The following PIGX variants were observed in gnomAD, a reference collection of about 807,000 sequenced individuals.
The protein encoded by PIGX is GPI alpha-1,4-mannosyltransferase I, stabilizing subunit.
A neutral mutation model predicts 28.7 loss-of-function variants in PIGX; 24 were observed. That is an observed-to-expected ratio of 0.84 (90% CI 0.60 to 1.17). The LOEUF is 1.17. PIGX is among the 50% of genes most tolerant of loss of function. The pLI is 0.00. For synonymous variants in PIGX, 127 were observed against 121.0 expected (o/e 1.05, Z -0.33); for missense variants, 305 against 317.8 (o/e 0.96, Z 0.31).
At chr3:196,721,238 C>T in intron 2 of PIGX, 1 of 342,178 alleles carries the variant, frequency 2.9e-6, no homozygotes, top group Non-Finnish European at 5.6e-6. Context: ...GAGGCGGTTC[C>T]TTTTTTCTCC....
chr3:196,719,801 T>TA (rs1332638237), intron 2 of PIGX, among the ~76,000 whole-genome samples: 1 of 152,192 alleles, frequency 6.6e-6, no homozygotes, highest in East Asian at 1.9e-4. Flanking sequence ...TTTTAACTTT[T>TA]TTTTTTTTGG....
intron 3 of PIGX, 143 bp downstream of exon 3, chr3:196,722,699 G>C: frequency 1.3e-6 from 1 of 748,110 alleles, no homozygotes; most frequent in Non-Finnish European, 2.3e-6. Flanking sequence ...CATAGTCTTT[G>C]ACAAGTGAGT....
At chr3:196,726,135 C>T (rs1236314344) in intron 3 of PIGX, among the ~76,000 whole-genome samples, 1 of 151,966 alleles carries the variant, frequency 6.6e-6, no homozygotes, top group African/African-American at 2.4e-5. Flanking sequence ...ACTAAAAATA[C>T]AAAAAATTAG....
intron 1 of PIGX, among the ~76,000 whole-genome samples, chr3:196,713,472 A>AT (rs1392027536): frequency 6.6e-6 from 1 of 151,632 alleles, no homozygotes; most frequent in Non-Finnish European, 1.5e-5. Flanking sequence ...TGCCCAGCTA[A>AT]TTTTTTGTAT....
Position 196,734,735 on chromosome 3 carries a change from G to A in PIGX, c.*833G>A, listed in dbSNP as rs553682724. ...AAATTATTGATAATCTTAAATTATT[G>A]ATTATTCCTTAACGCACTCCATTCT... is the stretch of plus-strand genomic sequence containing the variant. On this transcript the variant is annotated 3_prime_UTR_variant, in exon 6 of 6. Coordinates refer to ENST00000392391, the MANE Select transcript of PIGX (RefSeq NM_017861.4). 1 of 152,172 alleles carries A rather than the reference G, an allele frequency of 6.6e-6. No individual in the cohort carries two copies. The highest frequency in any genetic ancestry group is 2.1e-4 in the South Asian group (1 of 4,822). The allele number at this position is 152,172 out of a possible 1,614,324, so 9.4% of individuals were successfully genotyped here. A position where few individuals can be genotyped will look rare whatever the true frequency, so the allele number is the denominator to read the frequency against.
In PIGX at chr3:196,734,584, G is replaced by T. The variant is rs1429721640; in HGVS notation, c.*682G>T. 6.6e-6 allele frequency: 1 copy of T among 151,812 alleles called. No homozygotes were observed. The highest frequency in any genetic ancestry group is 6.6e-5 in the Admixed American group (1 of 15,210). The allele number at this position is 151,812 out of a possible 1,614,324, so 9.4% of individuals were successfully genotyped here. ...TCTCCAAAGGAAAAACAAAAAAGAAGAATAAAATAATTTGGATGAAAATCA... is the reference window on the plus strand; with the variant it reads ...TCTCCAAAGGAAAAACAAAAAAGAATAATAAAATAATTTGGATGAAAATCA... On this transcript the variant is annotated 3_prime_UTR_variant, in exon 6 of 6. Coordinates refer to ENST00000392391, the MANE Select transcript of PIGX (RefSeq NM_017861.4).
rs946390777 is a variant in PIGX at position 196,714,653 on chromosome 3, G to A, written c.112+2009G>A. Among the ~76,000 whole-genome samples the A allele has an allele frequency of 1.2e-4, 19 of 152,194 alleles. 1 individual carries two copies. The highest frequency in any genetic ancestry group is 4.6e-4 in the African/African-American group (19 of 41,564). On this transcript the variant is annotated intron_variant, in intron 1 of 5. Transcript: ENST00000392391. ...ATTTTTTGTATTTTAGTAAAGACGGGGTTTCACCATGTTGGCCAGGTTGGT... is the reference window on the plus strand; with the variant it reads ...ATTTTTTGTATTTTAGTAAAGACGGAGTTTCACCATGTTGGCCAGGTTGGT...
intron 3 of PIGX, among the ~76,000 whole-genome samples, chr3:196,724,197 TAG>T (rs1444778635): frequency 2.0e-5 from 3 of 151,964 alleles, no homozygotes; most frequent in Non-Finnish European, 4.4e-5. Context: ...GTATTTTTAG[TAG>T]AGGTGGGGTT....
chr3:196,715,459 C>G (rs889155443), intron 1 of PIGX, among the ~76,000 whole-genome samples: 2 of 152,110 alleles, frequency 1.3e-5, no homozygotes, highest in Non-Finnish European at 2.9e-5. Flanking sequence ...TGCTATAGAT[C>G]GTGAAAGTTA....
At chr3:196,732,622 G>C (rs1349747005) in intron 5 of PIGX, among the ~76,000 whole-genome samples, 1 of 151,908 alleles carries the variant, frequency 6.6e-6, no homozygotes, top group Non-Finnish European at 1.5e-5. Context: ...AGAAAAATAG[G>C]TGGCCATTAC....
intron 3 of PIGX, among the ~76,000 whole-genome samples, chr3:196,725,591 C>T (rs754077236): frequency 6.6e-6 from 1 of 152,066 alleles, no homozygotes; most frequent in Non-Finnish European, 1.5e-5. Flanking sequence ...GTCATAGAGG[C>T]AGAACTGCAG....
chr3:196,729,393 T>A (rs1277537165), intron 4 of PIGX, among the ~76,000 whole-genome samples: 1 of 151,242 alleles, frequency 6.6e-6, no homozygotes, highest in Non-Finnish European at 1.5e-5. Flanking sequence ...TCTCAAGATG[T>A]TTTCTTTCTT....
chr3:196,726,783 C>A (rs12637375), intron 3 of PIGX: 156,993 of 417,882 alleles, frequency 0.38, 29,937 homozygotes, highest in East Asian at 0.57. Context: ...TTAGTACATA[C>A]AGTTTCTACT....
intron 2 of PIGX, among the ~76,000 whole-genome samples, chr3:196,719,040 T>C (rs972165936): frequency 6.6e-6 from 1 of 152,180 alleles, no homozygotes; most frequent in Non-Finnish European, 1.5e-5. Context: ...TTTACTTTTA[T>C]CGTCTTTATC....
rs765390551 is a variant in PIGX, at chr3:196,730,979, C to G, written c.533-13C>G. On this transcript the variant is annotated splice_polypyrimidine_tract_variant and intron_variant, in intron 4 of 5. Transcript: ENST00000392391. ...ACAGGTTTTCTGACATCATTTTCTA[C>G]CACTTTTCTCAGAGTTCCCGATTTT... 3 of 1,545,028 alleles carry G rather than the reference C, an allele frequency of 1.9e-6. No homozygotes were observed. Among genetic ancestry groups the G allele is most frequent in the Admixed American group, 3.4e-5 (2 of 59,528 alleles).
Position 196,712,510 on chromosome 3 carries a change from TC to T in PIGX, c.-22del. ...CCGCACCTGGCCCCGCGCGCCCCTC[TC>T]GGGCGTCCGGCTTCCGGCGTCCTGG... On this transcript the variant is annotated 5_prime_UTR_variant, in exon 1 of 6. Coordinates refer to ENST00000392391, the MANE Select transcript of PIGX (RefSeq NM_017861.4). 1 of 1,125,342 alleles carries T rather than the reference TC, an allele frequency of 8.9e-7. No individual in the cohort carries two copies. Among genetic ancestry groups the T allele is most frequent in the East Asian group, 4.2e-5 (1 of 23,832 alleles). 69.7% of individuals were successfully genotyped at this position (1,125,342 alleles called of 1,614,324 possible).
intron 2 of PIGX, among the ~76,000 whole-genome samples, chr3:196,718,655 T>C (rs1712194364): frequency 1.3e-5 from 2 of 152,262 alleles, no homozygotes. Flanking sequence ...TGTATGTTCA[T>C]GAAGGCTACT....
chr3:196,717,986 A>C (rs974526006), intron 2 of PIGX: 2 of 152,184 alleles, frequency 1.3e-5, no homozygotes, highest in African/African-American at 4.8e-5. Context: ...TCAGATACTT[A>C]ATATGTAAAT....
At chr3:196,713,020 G>A (rs977653276) in intron 1 of PIGX, 3 of 989,856 alleles carry the variant, frequency 3.0e-6, no homozygotes, top group Non-Finnish European at 3.6e-6. Flanking sequence ...TCCCCAAACT[G>A]AATGTAGGAC....
Sources: allele counts gnomAD v4.1 joint callset (sites outside exome capture counted in the v4.1 genomes callset), GRCh38; gene constraint gnomAD v4.1.1; transcripts MANE v1.5; gene names NCBI Gene and HGNC (gene_info 2026-07-23, HGNC 2026-07-21).